The following SASH1 variants were observed in gnomAD, a reference collection of about 807,000 sequenced individuals.
SASH1 encodes SAM and SH3 domain-containing protein 1.
SASH1 carries 44 observed loss-of-function variants against 125.2 expected under a neutral mutation model. The ratio of observed to expected loss-of-function variants is 0.35; its 90% confidence interval spans 0.28 to 0.45. The LOEUF (loss-of-function observed/expected upper bound fraction) is 0.45. SASH1 is among the 20% of genes least tolerant of loss of function. The probability of loss-of-function intolerance (pLI) is 1.00; values close to 1 mark genes in which losing one functional copy is unlikely to be tolerated. For synonymous variants in SASH1, 639 were observed against 649.1 expected (o/e 0.98, Z 0.24); for missense variants, 1,426 against 1,614.5 (o/e 0.88, Z 2.00).
At chr6:148,318,875 T>C (rs559564514) in intron 1 of SASH1, among the ~76,000 whole-genome samples, 26 of 151,894 alleles carry the variant, frequency 1.7e-4, no homozygotes, top group Admixed American at 2.6e-4. Context: ...TTAAAATTTT[T>C]CACACAGAGA....
At chr6:148,487,787 T>A in intron 8 of SASH1, 72 bp downstream of exon 8, 1 of 1,155,610 alleles carries the variant, frequency 8.7e-7, no homozygotes, top group African/African-American at 1.5e-5. Context: ...TTTTAGTCTT[T>A]GTATTTCTTT....
intron 10 of SASH1, among the ~76,000 whole-genome samples, chr6:148,524,121 A>T (rs2328898): frequency 0.67 from 86,412 of 128,436 alleles, 29,028 homozygotes; most frequent in East Asian, 0.8. Flanking sequence ...ATATATATAT[A>T]TTTTTTTTAA....
intron 1 of SASH1, among the ~76,000 whole-genome samples, chr6:148,326,899 C>A (rs369878072): frequency 1.3e-5 from 2 of 152,146 alleles, no homozygotes; most frequent in Non-Finnish European, 2.9e-5. Context: ...TGCTTCCTAC[C>A]TCCACCGTCA....
intron 1 of SASH1, chr6:148,379,848 G>A (rs1400121442): frequency 1.3e-5 from 6 of 452,420 alleles, no homozygotes. Flanking sequence ...GGGAGCATAT[G>A]TTAAAGAGCT....
chr6:148,275,517 C>T lies in SASH1; in HGVS notation n.74+3140C>T, dbSNP rs149531877. ...ACTCTTCTGTGATGCCCCAGTCAAA[C>T]TTCCACCTCTCTACTCCCTTGGCCA... On this transcript the variant is annotated intron_variant and non_coding_transcript_variant, in intron 1 of 3. Transcript: ENST00000367469. 3.8e-3 allele frequency among the ~76,000 whole-genome samples: 581 copies of T among 152,340 alleles called. 2 individuals are homozygous for T. The highest frequency in any genetic ancestry group is 0.013 in the African/African-American group (549 of 41,588).
chr6:148,308,954 C>A (rs1485702057), intron 1 of SASH1, among the ~76,000 whole-genome samples: 3 of 151,356 alleles, frequency 2.0e-5, no homozygotes, highest in African/African-American at 7.3e-5. Context: ...GGTGGTGGCA[C>A]ACGCCTGTAG....
intron 1 of SASH1, among the ~76,000 whole-genome samples, chr6:148,286,973 T>C (rs1029091074): frequency 5.3e-5 from 8 of 152,116 alleles, no homozygotes; most frequent in African/African-American, 1.9e-4. Context: ...CATACCACCC[T>C]GCACCCTCTC....
chr6:148,399,829 C>T lies in SASH1; in HGVS notation c.285+9567C>T, dbSNP rs564990136. On this transcript the variant is annotated intron_variant, in intron 2 of 19. Transcript: ENST00000367467. ...AGGGCTTGGGAGGGAAAGGAGCATC[C>T]CTGTTTTTGGAGTCAGGACCATTCA... is the stretch of plus-strand genomic sequence containing the variant. Among the ~76,000 whole-genome samples, 3 of 152,244 alleles carry T rather than the reference C, an allele frequency of 2.0e-5. No homozygotes were observed. In the East Asian group the frequency reaches 5.8e-4, roughly 29 times the overall value.
At chr6:148,387,779 G>A (rs549414102) in intron 1 of SASH1, among the ~76,000 whole-genome samples, 54 of 149,842 alleles carry the variant, frequency 3.6e-4, no homozygotes, top group African/African-American at 1.3e-3. Context: ...TGCTGCCCTG[G>A]CCAGGTTGGA....
intron 2 of SASH1, among the ~76,000 whole-genome samples, chr6:148,391,951 T>C (rs1783744582): frequency 6.6e-6 from 1 of 152,194 alleles, no homozygotes; most frequent in Non-Finnish European, 1.5e-5. Flanking sequence ...GCTGCATGGA[T>C]ATGTTTTAAG....
chr6:148,448,139 TATG>T (rs1192440196), intron 4 of SASH1, among the ~76,000 whole-genome samples: 1 of 149,732 alleles, frequency 6.7e-6, no homozygotes, highest in African/African-American at 2.5e-5. Context: ...TGTGTGTGTG[TATG>T]TGTGTGTGTG....
At chr6:148,369,044 C>G (rs1247197551) in intron 1 of SASH1, among the ~76,000 whole-genome samples, 1 of 152,146 alleles carries the variant, frequency 6.6e-6, no homozygotes, top group Non-Finnish European at 1.5e-5. Flanking sequence ...TGTGGTGGAG[C>G]TGCAAAGAGT....
intron 7 of SASH1, among the ~76,000 whole-genome samples, chr6:148,476,524 A>G (rs147850832): frequency 2.1e-4 from 32 of 152,308 alleles, no homozygotes; most frequent in African/African-American, 7.7e-4. Flanking sequence ...TCCACTAAAA[A>G]TACAAAAATT....
At chr6:148,453,460 C>G (rs888142362) in intron 4 of SASH1, among the ~76,000 whole-genome samples, 5 of 152,086 alleles carry the variant, frequency 3.3e-5, no homozygotes, top group African/African-American at 1.2e-4. Flanking sequence ...AGATGGTATT[C>G]TACAGTTAAG....
At chr6:148,353,250 T>A (rs1013929710) in intron 1 of SASH1, among the ~76,000 whole-genome samples, 1 of 151,636 alleles carries the variant, frequency 6.6e-6, no homozygotes, top group African/African-American at 2.4e-5. Flanking sequence ...TTTTTCTTAT[T>A]TTTTCTAGCA....
chr6:148,396,640 T>C (rs1783965192), intron 2 of SASH1, among the ~76,000 whole-genome samples: 3 of 152,078 alleles, frequency 2.0e-5, no homozygotes, highest in African/African-American at 2.4e-5. Flanking sequence ...CCAGTGCTAA[T>C]TGTCAGAGCC....
intron 1 of SASH1, among the ~76,000 whole-genome samples, chr6:148,297,785 G>A (rs373258829): frequency 1.9e-4 from 29 of 151,946 alleles, no homozygotes; most frequent in African/African-American, 6.5e-4. Context: ...AGCCGAGATC[G>A]TGCCACTGCC....
intron 9 of SASH1, among the ~76,000 whole-genome samples, chr6:148,517,482 G>GGAGTT (rs1331809370): frequency 6.6e-6 from 1 of 152,162 alleles, no homozygotes; most frequent in Non-Finnish European, 1.5e-5. Context: ...TTCCAGTAGG[G>GGAGTT]GAGTTGTACG....
At chr6:148,244,589 T>G in the SASH1 span, among the ~76,000 whole-genome samples, 1 of 152,096 alleles carries the variant, frequency 6.6e-6, no homozygotes, top group Non-Finnish European at 1.5e-5. Flanking sequence ...AAGGTACACA[T>G]TGTAGGCCTC....
Sources: gnomAD v4.1 joint callset for allele counts (sites outside exome capture counted in the v4.1 genomes callset) on GRCh38, gnomAD v4.1.1 for gene constraint, MANE v1.5 for transcripts, NCBI Gene and HGNC (gene_info 2026-07-23, HGNC 2026-07-21) for gene names.